ZNF570: variants seen among roughly 807,000 people sequenced by gnomAD.
ZNF570 encodes the protein zinc finger protein 570.
A neutral mutation model predicts 14.2 loss-of-function variants in ZNF570; 8 were observed. The observed-to-expected ratio is 0.56, with a 90% CI of 0.33 to 1.02. ZNF570 has a LOEUF of 1.02. Ranked by LOEUF, ZNF570 falls within the 50% of genes least tolerant of loss-of-function variation. The pLI, the probability that ZNF570 is intolerant of heterozygous loss-of-function variation, is 0.03. For synonymous variants in ZNF570, 202 were observed against 207.6 expected (o/e 0.97, Z 0.23); for missense variants, 559 against 624.9 (o/e 0.89, Z 1.12).
chr19:37,480,819 G>T (rs2042078861), intron 4 of ZNF570, among the ~76,000 whole-genome samples: 1 of 151,748 alleles, frequency 6.6e-6, no homozygotes, highest in Admixed American at 6.6e-5. Flanking sequence ...GGTATGGGGT[G>T]TGTGCCTGTA....
At chr19:37,473,469 G>T (rs1470404599) in intron 2 of ZNF570, among the ~76,000 whole-genome samples, 1 of 152,030 alleles carries the variant, frequency 6.6e-6, no homozygotes, top group East Asian at 1.9e-4. Context: ...TGAAAAAGTG[G>T]CAAAAAGTGG....
At chr19:37,476,273 A>T in intron 3 of ZNF570, 66 bp from the exon 4 acceptor site, 1 of 1,571,518 alleles carries the variant, frequency 6.4e-7, no homozygotes, top group East Asian at 2.2e-5. Context: ...TGAGCTAAGG[A>T]TTGAATGTGA....
At chr19:37,474,651 C>T (rs904608722) in intron 2 of ZNF570, among the ~76,000 whole-genome samples, 23 of 151,868 alleles carry the variant, frequency 1.5e-4, no homozygotes, top group Admixed American at 1.3e-3. Flanking sequence ...GTAGAGACAG[C>T]GTTTTACCAT....
Position 37,488,443 on chromosome 19 carries a change from C to A in ZNF570, c.*3210C>A, listed in dbSNP as rs945190961. ...ATCATCAGATTCAGAACAGTGGTGA[C>A]CTGCAGGGAGAAAGACAACTGAGAT... On this transcript the variant is annotated 3_prime_UTR_variant, in exon 5 of 5. Coordinates refer to ENST00000330173, the MANE Select transcript of ZNF570 (RefSeq NM_144694.5). The A allele has an allele frequency of 6.6e-6, 1 of 151,992 alleles. No individual in the cohort carries two copies. The highest frequency in any genetic ancestry group is 1.5e-5 in the Non-Finnish European group (1 of 68,010). 9.4% of individuals were successfully genotyped at this position (151,992 alleles called of 1,614,324 possible).
rs1015724168 is a variant in ZNF570, at chr19:37,469,360, C to T, written c.-249C>T. 6.3e-6 allele frequency: 9 copies of T among 1,428,504 alleles called. No homozygotes were observed. The African/African-American group carries it at 1.3e-4, about 21-fold the overall frequency. 88.5% of individuals were successfully genotyped at this position (1,428,504 alleles called of 1,614,324 possible). On this transcript the variant is annotated 5_prime_UTR_variant, in exon 1 of 5. Coordinates refer to ENST00000330173, the MANE Select transcript of ZNF570 (RefSeq NM_144694.5). Reference sequence around the variant, plus strand: ...GGGGGCGGAGGCAGCTGAGGCGCTTCTTTCCGGGCCCGTAAGGGCTGGGTT... The same window carrying T: ...GGGGGCGGAGGCAGCTGAGGCGCTTTTTTCCGGGCCCGTAAGGGCTGGGTT...
At chr19:37,472,609 G>T (rs1259914849) in intron 2 of ZNF570, among the ~76,000 whole-genome samples, 1 of 152,042 alleles carries the variant, frequency 6.6e-6, no homozygotes, top group African/African-American at 2.4e-5. Context: ...GGGCGTAGTT[G>T]CGCATGCCTG....
In ZNF570 at chr19:37,483,920, C is replaced by T; in HGVS notation, c.298C>T (p.Gln100Ter). Reference protein sequence around the residue: ...ICETEELTPKQDFYEEHQSQK... With the variant: ...ICETEELTPK ...TGAGACTGAAGAATTAACCCCAAAGCAGGATTTTTATGAAGAACATCAATC... is the reference window on the plus strand; with the variant it reads ...TGAGACTGAAGAATTAACCCCAAAGTAGGATTTTTATGAAGAACATCAATC... Residue 100 changes from glutamine to a stop codon, truncating the protein, a stop_gained, in exon 5 of 5, where the codon CAG becomes TAG. Transcript: ENST00000330173. LOFTEE classifies it low-confidence loss of function (END_TRUNC). 1.9e-6 allele frequency: 3 copies of T among 1,612,984 alleles called. No individual in the cohort carries two copies. Among genetic ancestry groups the T allele is most frequent in the Non-Finnish European group, 8.5e-7 (1 of 1,179,726 alleles).
At position 37,485,013 on chromosome 19, in the gene ZNF570, A is replaced by T. The variant is rs779218290; in HGVS notation, c.1391A>T (p.His464Leu). 18 of 1,614,180 alleles carry T rather than the reference A, an allele frequency of 1.1e-5. No individual in the cohort carries two copies. Among genetic ancestry groups the T allele is most frequent in the Non-Finnish European group, 1.5e-5 (18 of 1,180,036 alleles). The change falls in exon 5 of 5, where the codon CAT becomes CTT. Residue 464 changes from histidine (H) to leucine (L), a missense_variant. Transcript: ENST00000330173. ...TCCCTTACTCAACATCAGCGAGTTC[A>T]TACTGGAGAGAAACCTTATGAATGT... ...DSSLTQHQRVHTGEKPYECTV... is the reference protein window; with the variant it reads ...DSSLTQHQRVLTGEKPYECTV...
At chr19:37,478,508 T>TATTTAG (rs879651277) in intron 4 of ZNF570, among the ~76,000 whole-genome samples, 3,939 of 151,570 alleles carry the variant, frequency 0.026, 99 homozygotes, top group Non-Finnish European at 0.039. Context: ...TAATGGTAGT[T>TATTTAG]TCTTCATTTT....
At chr19:37,469,631 C>T (rs1431262347) in intron 1 of ZNF570, 74 bp downstream of exon 1, 1 of 1,414,030 alleles carries the variant, frequency 7.1e-7, no homozygotes, top group East Asian at 2.5e-5. Flanking sequence ...GCGAGGAAGT[C>T]AATGGCACCG....
chr19:37,478,258 T>C (rs1350487348), intron 4 of ZNF570, among the ~76,000 whole-genome samples: 1 of 152,182 alleles, frequency 6.6e-6, no homozygotes, highest in Non-Finnish European at 1.5e-5. Flanking sequence ...TTTCAGTGTT[T>C]TATAATTTTC....
chr19:37,472,954 A>G (rs902339691), intron 2 of ZNF570, among the ~76,000 whole-genome samples: 11 of 152,190 alleles, frequency 7.2e-5, no homozygotes, highest in African/African-American at 2.4e-4. Flanking sequence ...CTTTTCTAGG[A>G]AAGTGGGTTG....
intron 4 of ZNF570, among the ~76,000 whole-genome samples, chr19:37,479,834 G>GT (rs1003763488): frequency 1.8e-4 from 28 of 152,134 alleles, no homozygotes; most frequent in Middle Eastern, 3.4e-3. Flanking sequence ...ACTTGATGTA[G>GT]TTTTTTCCTA....
intron 4 of ZNF570, among the ~76,000 whole-genome samples, chr19:37,480,715 G>A (rs2042077412): frequency 6.6e-6 from 1 of 151,992 alleles, no homozygotes. Flanking sequence ...CACTTTGGGA[G>A]GCCAAGGCAG....
upstream of ZNF570, among the ~76,000 whole-genome samples, chr19:37,468,558 C>G (rs1303018736): frequency 6.6e-6 from 1 of 152,152 alleles, no homozygotes; most frequent in Non-Finnish European, 1.5e-5. Context: ...TGCAGTGGCG[C>G]GATCTCGGCT....
In ZNF570 at chr19:37,482,815, T is replaced by TTCTC. The variant is rs35690455; in HGVS notation, c.257-1040_257-1037dup. On this transcript the variant is annotated intron_variant, in intron 4 of 4. Transcript: ENST00000330173. ...TTTAAAAGTGGCAGTTTCCCCTGCT[T>TTCTC]TCTCTCTCTCTCTCTCTCTCTCTCT... is the stretch of plus-strand genomic sequence containing the variant. Among the ~76,000 whole-genome samples, 184 of 141,702 alleles carry TTCTC rather than the reference T, an allele frequency of 1.3e-3. 1 individual carries two copies. Among genetic ancestry groups the TTCTC allele is most frequent in the South Asian group, 8.7e-3 (38 of 4,352 alleles). The allele number at this position is 141,702 out of a possible 152,430, so 93.0% of individuals were successfully genotyped here.
intron 4 of ZNF570, among the ~76,000 whole-genome samples, chr19:37,480,228 G>A (rs2042071332): frequency 6.6e-6 from 1 of 152,224 alleles, no homozygotes; most frequent in African/African-American, 2.4e-5. Context: ...GCTCACGCCT[G>A]TAATCCCAGC....
At chr19:37,483,754 C>A in intron 4 of ZNF570, 125 bp from the exon 5 acceptor site, 4 of 1,008,376 alleles carry the variant, frequency 4.0e-6, no homozygotes, top group Non-Finnish European at 4.2e-6. Context: ...TTCAGAACTG[C>A]AAAAGCCAAT....
rs892792348 is a variant in ZNF570 at position 37,486,762 on chromosome 19, A to G, written c.*1529A>G. The G allele has an allele frequency of 2.6e-5, 4 of 152,252 alleles. No individual in the cohort carries two copies. Among genetic ancestry groups the G allele is most frequent in the African/African-American group, 7.2e-5 (3 of 41,462 alleles). The allele number at this position is 152,252 out of a possible 1,614,324, so 9.4% of individuals were successfully genotyped here. Reference sequence around the variant, plus strand: ...AGCCAGTTTTAGGAAGTTTCTACAGATAATGAATTGGATAAGCCAATTAAG... The same window carrying G: ...AGCCAGTTTTAGGAAGTTTCTACAGGTAATGAATTGGATAAGCCAATTAAG... On this transcript the variant is annotated 3_prime_UTR_variant, in exon 5 of 5. Coordinates refer to ENST00000330173, the MANE Select transcript of ZNF570 (RefSeq NM_144694.5).
Sources: allele counts gnomAD v4.1 joint callset (sites outside exome capture counted in the v4.1 genomes callset), GRCh38; gene constraint gnomAD v4.1.1; transcripts MANE v1.5; gene names NCBI Gene and HGNC (gene_info 2026-07-23, HGNC 2026-07-21).